The following POMK variants were observed in gnomAD, a reference collection of about 807,000 sequenced individuals.
POMK encodes Sugen kinase 196.
POMK carries 19 observed loss-of-function variants against 23.0 expected under a neutral mutation model. The observed-to-expected ratio is 0.83, with a 90% CI of 0.58 to 1.21. POMK has a LOEUF of 1.21. POMK is among the 50% of genes most tolerant of loss of function. The pLI is 0.00. For missense variants in POMK, 410 were observed against 431.3 expected (o/e 0.95, Z 0.44); for synonymous variants, 173 against 171.6 (o/e 1.01, Z -0.06).
chr8:43,095,280 A>G (rs998134651), intron 1 of POMK, among the ~76,000 whole-genome samples: 2 of 152,232 alleles, frequency 1.3e-5, no homozygotes. Flanking sequence ...AATAACAACA[A>G]TTACATCCAC....
At chr8:43,104,660 A>T (rs1181242931) in intron 4 of POMK, among the ~76,000 whole-genome samples, 1 of 152,162 alleles carries the variant, frequency 6.6e-6, no homozygotes, top group Non-Finnish European at 1.5e-5. Context: ...TAAATACAAA[A>T]ATGGTCAGGC....
At chr8:43,099,460 G>A (rs1483552693) in intron 2 of POMK, among the ~76,000 whole-genome samples, 1 of 152,240 alleles carries the variant, frequency 6.6e-6, no homozygotes, top group African/African-American at 2.4e-5. Context: ...CCTGAGCTCT[G>A]AACTCTGGGG....
chr8:43,113,830 A>T (rs1811734069), intron 4 of POMK, among the ~76,000 whole-genome samples: 1 of 152,178 alleles, frequency 6.6e-6, no homozygotes, highest in Non-Finnish European at 1.5e-5. Flanking sequence ...CTTCTAACAG[A>T]CAGGACCCTC....
Position 43,107,617 on chromosome 8 carries a change from C to G in POMK, c.282+3787C>G, listed in dbSNP as rs556147044. Among the ~76,000 whole-genome samples, 60 of 152,194 alleles carry G rather than the reference C, an allele frequency of 3.9e-4. 1 individual carries two copies. The South Asian group carries it at 0.012, about 31-fold the overall frequency. ...CTCGAACTCCTGACCTCGTGATCTGCCTGCCTTGGTCTCCCAAAGTGCTGG... is the reference window on the plus strand; with the variant it reads ...CTCGAACTCCTGACCTCGTGATCTGGCTGCCTTGGTCTCCCAAAGTGCTGG... On this transcript the variant is annotated intron_variant, in intron 4 of 4. Coordinates refer to ENST00000331373, the MANE Select transcript of POMK (RefSeq NM_032237.5).
chr8:43,095,346 AT>A (rs1322490519), intron 1 of POMK, among the ~76,000 whole-genome samples: 4 of 151,700 alleles, frequency 2.6e-5, no homozygotes, highest in Non-Finnish European at 5.9e-5. Flanking sequence ...ATTTTGGGGT[AT>A]TTTTTTTATT....
intron 1 of POMK, among the ~76,000 whole-genome samples, chr8:43,096,609 G>A (rs1811339628): frequency 6.6e-6 from 1 of 152,094 alleles, no homozygotes; most frequent in South Asian, 2.1e-4. Context: ...GGAGTCAGAG[G>A]TTGCAGTGAG....
chr8:43,102,767 G>T (rs1275877904), intron 3 of POMK, among the ~76,000 whole-genome samples, 167 bp downstream of exon 3: 1 of 152,112 alleles, frequency 6.6e-6, no homozygotes, highest in African/African-American at 2.4e-5. Flanking sequence ...TGCCATCCAC[G>T]GTCCTACTTC....
At chr8:43,111,559 C>T (rs1811667041) in intron 4 of POMK, among the ~76,000 whole-genome samples, 1 of 152,202 alleles carries the variant, frequency 6.6e-6, no homozygotes, top group Non-Finnish European at 1.5e-5. Flanking sequence ...TGTGTGACAG[C>T]TTTGAAGAGA....
rs559338346 is a variant in POMK at position 43,116,880 on chromosome 8, G to A, written c.283-5227G>A. ...AGCATTTAATCACCTGGGTGCAGGC[G>A]GGCTGAGTCCGAAAAGAGAGTCAGC... On this transcript the variant is annotated intron_variant, in intron 4 of 4. Coordinates refer to ENST00000331373, the MANE Select transcript of POMK (RefSeq NM_032237.5). Among the ~76,000 whole-genome samples, 29 of 152,270 alleles carry A rather than the reference G, an allele frequency of 1.9e-4. 1 individual carries two copies. The South Asian group carries it at 4.1e-3, about 22-fold the overall frequency.
chr8:43,110,187 A>G (rs1032955589), intron 4 of POMK, among the ~76,000 whole-genome samples: 5 of 152,232 alleles, frequency 3.3e-5, no homozygotes, highest in African/African-American at 1.2e-4. Context: ...TGCCTCGTGT[A>G]TAGAACTGTT....
intron 2 of POMK, among the ~76,000 whole-genome samples, chr8:43,100,138 A>G (rs1053603426): frequency 1.3e-5 from 2 of 152,042 alleles, no homozygotes; most frequent in East Asian, 1.9e-4. Context: ...CATGAGTGCA[A>G]ATAGGGAGCA....
At position 43,103,753 on chromosome 8, in the gene POMK, T is replaced by C. The variant is rs1299340645; in HGVS notation, c.205T>C (p.Ser69Pro). 1.2e-6 allele frequency: 2 copies of C among 1,614,088 alleles called. No individual in the cohort carries two copies. The highest frequency in any genetic ancestry group is 1.3e-5 in the African/African-American group (1 of 74,926). Residue 69 changes from serine to proline, a missense_variant, in exon 4 of 5, where the codon TCA becomes CCA. Physicochemically the swap from Ser to Pro is moderately conservative, Grantham distance 74. Transcript: ENST00000331373. ...HFRIGQMKNC[S>P]PWLSCEELRT... ...CAGGATAGGACAGATGAAAAACTGC[T>C]CACCTTGGCTGTCCTGCGAGGAGCT...
At chr8:43,093,970 C>CGGAG (rs1554521922) in intron 1 of POMK, among the ~76,000 whole-genome samples, 1 of 152,206 alleles carries the variant, frequency 6.6e-6, no homozygotes, top group Non-Finnish European at 1.5e-5. Flanking sequence ...TTATCTACTC[C>CGGAG]GGAGGCTGAG....
In POMK at chr8:43,122,583, C is replaced by T. The variant is rs201232766; in HGVS notation, c.759C>T (p.Phe253=). ...GCCACAGGGAGCTGCATGGGGATTT[C>T]GTGGCTCCAGAGCAACTGTGGCCCT... is the stretch of plus-strand genomic sequence containing the variant. ...KCGHRELHGD[F]VAPEQLWPYG... The change falls in exon 5 of 5, where the codon TTC becomes TTT. Residue 253 remains phenylalanine (F), a synonymous_variant. Coordinates refer to ENST00000331373, the MANE Select transcript of POMK (RefSeq NM_032237.5). 125 of 1,614,212 alleles carry T rather than the reference C, an allele frequency of 7.7e-5. No homozygotes were observed. The highest frequency in any genetic ancestry group is 7.5e-4 in the Admixed American group (45 of 60,026).
intron 4 of POMK, among the ~76,000 whole-genome samples, chr8:43,114,031 C>T (rs1811740595): frequency 6.6e-6 from 1 of 152,226 alleles, no homozygotes; most frequent in African/African-American, 2.4e-5. Flanking sequence ...CTGGGGGCTG[C>T]CTCCCAGTTA....
intron 4 of POMK, among the ~76,000 whole-genome samples, chr8:43,117,992 C>T (rs912492610): frequency 6.6e-6 from 1 of 152,086 alleles, no homozygotes; most frequent in African/African-American, 2.4e-5. Context: ...ACTTAAATGT[C>T]CAGGTCTTTA....
chr8:43,095,300 T>C (rs1811312455), intron 1 of POMK, among the ~76,000 whole-genome samples: 1 of 152,202 alleles, frequency 6.6e-6, no homozygotes, highest in Non-Finnish European at 1.5e-5. Context: ...CTTCACAGAA[T>C]TGGTGTGAAG....
intron 1 of POMK, among the ~76,000 whole-genome samples, chr8:43,096,867 TG>T (rs1286631084): frequency 6.6e-6 from 1 of 152,148 alleles, no homozygotes; most frequent in African/African-American, 2.4e-5. Flanking sequence ...TAAAAAAAAC[TG>T]GTTGCAGGAG....
chr8:43,094,368 A>C (rs1483616969), intron 1 of POMK, among the ~76,000 whole-genome samples: 1 of 152,166 alleles, frequency 6.6e-6, no homozygotes, highest in Non-Finnish European at 1.5e-5. Context: ...AACAAAAACC[A>C]AACCAAACCA....
Sources: allele counts gnomAD v4.1 joint callset (sites outside exome capture counted in the v4.1 genomes callset), GRCh38; gene constraint gnomAD v4.1.1; transcripts MANE v1.5; gene names NCBI Gene and HGNC (gene_info 2026-07-23, HGNC 2026-07-21).